Variants in ZNF569 observed in about 807,000 individuals in gnomAD.
The protein encoded by ZNF569 is DNA-binding protein.
ZNF569 carries 38 observed loss-of-function variants against 56.3 expected under a neutral mutation model. The ratio of observed to expected loss-of-function variants is 0.68; its 90% CI spans 0.52 to 0.88. The LOEUF is 0.88. ZNF569 is among the 40% of genes least tolerant of loss of function. ZNF569 has a pLI of 0.00. For missense variants in ZNF569, 666 were observed against 809.2 expected (o/e 0.82, Z 2.15); for synonymous variants, 241 against 262.9 (o/e 0.92, Z 0.81).
chr19:37,442,330 G>A (rs2041419928), intron 3 of ZNF569, among the ~76,000 whole-genome samples: 1 of 152,084 alleles, frequency 6.6e-6, no homozygotes, highest in African/African-American at 2.4e-5. Context: ...AAATATCTAG[G>A]GTAGGAACAT....
rs1336160588 is a variant in ZNF569, at chr19:37,414,024, T to C, written c.634A>G (p.Lys212Glu). Residue 212 changes from lysine (K) to glutamate (E), a missense_variant, in exon 6 of 6, where the codon AAG becomes GAG. Physicochemically the swap from Lys to Glu is moderately conservative, Grantham distance 56 (BLOSUM62 1). Coordinates refer to ENST00000316950, the MANE Select transcript of ZNF569 (RefSeq NM_152484.3). ...IRHLRIHTGE[K>E]PYECSNCRKA... is the part of the protein sequence containing the mutation. ...CTACAGTTACTACATTCATAGGGCT[T>C]CTCTCCAGTATGAATTCTCAGATGT... is the stretch of plus-strand genomic sequence containing the variant. The C allele has an allele frequency of 1.9e-6, 3 of 1,613,608 alleles. No homozygotes were observed. The highest frequency in any genetic ancestry group is 1.7e-6 in the Non-Finnish European group (2 of 1,179,860).
intron 5 of ZNF569, among the ~76,000 whole-genome samples, chr19:37,422,712 A>G (rs1481669005): frequency 1.3e-5 from 2 of 152,224 alleles, no homozygotes; most frequent in African/African-American, 4.8e-5. Context: ...TACCAGCAGA[A>G]CCAAGGAAAT....
intron 2 of ZNF569, among the ~76,000 whole-genome samples, chr19:37,452,433 GTT>G (rs2041609992): frequency 6.6e-6 from 1 of 152,020 alleles, no homozygotes; most frequent in Admixed American, 6.6e-5. Context: ...GCTGTTTGGT[GTT>G]TTTTCATTTC....
intron 5 of ZNF569, 50 bp downstream of exon 5, chr19:37,425,818 C>T (rs371412318): frequency 1.8e-4 from 247 of 1,400,066 alleles, no homozygotes; most frequent in Middle Eastern, 5.4e-4. Context: ...ACTGATTAAT[C>T]ATTAATAGGC....
chr19:37,422,884 A>T (rs558287218), intron 5 of ZNF569, among the ~76,000 whole-genome samples: 1 of 147,564 alleles, frequency 6.8e-6, no homozygotes, highest in East Asian at 2.0e-4. Context: ...TACAGGACAT[A>T]GCACAAACCT....
intron 3 of ZNF569, among the ~76,000 whole-genome samples, chr19:37,429,017 CAT>C (rs1303302509): frequency 1.3e-5 from 2 of 152,084 alleles, no homozygotes; most frequent in Non-Finnish European, 2.9e-5. Context: ...TAAAGGGAAA[CAT>C]AAGCCTAAGA....
chr19:37,430,204 A>C (rs955460422), intron 3 of ZNF569, among the ~76,000 whole-genome samples: 2 of 152,106 alleles, frequency 1.3e-5, no homozygotes, highest in African/African-American at 4.8e-5. Flanking sequence ...CAAAAAAAAA[A>C]AAAAGAATAT....
chr19:37,434,301 A>T (rs76268747), intron 3 of ZNF569, among the ~76,000 whole-genome samples: 3 of 148,072 alleles, frequency 2.0e-5, no homozygotes, highest in Non-Finnish European at 1.5e-5. Context: ...CTCTGTCTCA[A>T]AAAAAAAAAA....
chr19:37,433,549 C>A (rs912168548), intron 3 of ZNF569, among the ~76,000 whole-genome samples: 30 of 152,180 alleles, frequency 2.0e-4, no homozygotes, highest in African/African-American at 3.9e-4. Flanking sequence ...CTTCAAGACA[C>A]TTAATAATCA....
Position 37,454,318 on chromosome 19 carries a change from T to C in ZNF569, c.-43-9354A>G, listed in dbSNP as rs187141439. Reference sequence around the variant, plus strand: ...TCTACTATTGCTTCTATTTGATTCTTGTTATCTTGGTGGGGGTTGAGTAGA... The same window carrying C: ...TCTACTATTGCTTCTATTTGATTCTCGTTATCTTGGTGGGGGTTGAGTAGA... On this transcript the variant is annotated intron_variant, in intron 2 of 5. Coordinates refer to ENST00000316950, the MANE Select transcript of ZNF569 (RefSeq NM_152484.3). 2.9e-3 allele frequency among the ~76,000 whole-genome samples: 434 copies of C among 152,230 alleles called. 1 individual carries two copies. Among genetic ancestry groups the C allele is most frequent in the Non-Finnish European group, 4.9e-3 (332 of 68,022 alleles).
chr19:37,431,701 A>T (rs998763193), intron 3 of ZNF569: 3 of 152,258 alleles, frequency 2.0e-5, no homozygotes, highest in African/African-American at 7.2e-5. Flanking sequence ...ACTTGGCCAC[A>T]ATGGGGTACA....
intron 3 of ZNF569, among the ~76,000 whole-genome samples, chr19:37,444,355 T>C (rs2041457482): frequency 1.3e-5 from 2 of 152,204 alleles, no homozygotes; most frequent in Admixed American, 1.3e-4. Context: ...AATCTATCCA[T>C]GTTGGTTGTT....
chr19:37,436,982 T>G (rs2041319027), intron 3 of ZNF569, among the ~76,000 whole-genome samples: 1 of 148,628 alleles, frequency 6.7e-6, no homozygotes, highest in Non-Finnish European at 1.5e-5. Flanking sequence ...GAGGGCAATA[T>G]TACCCTGATA....
intron 5 of ZNF569, among the ~76,000 whole-genome samples, chr19:37,421,198 G>A (rs1369198428): frequency 1.3e-5 from 2 of 152,096 alleles, no homozygotes; most frequent in Non-Finnish European, 2.9e-5. Context: ...AAGGGCCCTA[G>A]GATTTTCAGA....
At chr19:37,435,196 G>A (rs549252886) in intron 3 of ZNF569, among the ~76,000 whole-genome samples, 5 of 152,148 alleles carry the variant, frequency 3.3e-5, no homozygotes, top group Admixed American at 2.0e-4. Flanking sequence ...AAGTTAAAGT[G>A]TAGAGTACTA....
At chr19:37,447,139 C>A (rs891082094) in intron 2 of ZNF569, among the ~76,000 whole-genome samples, 1 of 152,060 alleles carries the variant, frequency 6.6e-6, no homozygotes, top group African/African-American at 2.4e-5. Context: ...TTTATACTGT[C>A]GGTAGGAATG....
rs915086169 is a variant in ZNF569 at position 37,412,298 on chromosome 19, T to C, written c.*299A>G. 4 of 282,398 alleles carry C rather than the reference T, an allele frequency of 1.4e-5. No homozygotes were observed. The highest frequency in any genetic ancestry group is 1.3e-5 in the Non-Finnish European group (2 of 154,626). The allele number at this position is 282,398 out of a possible 1,614,324, so 17.5% of individuals were successfully genotyped here. Reference sequence around the variant, plus strand: ...ATACTTGTTTTCCTTACTTAATACATTGGCTAGGAGCTCAAGTGTTGTGTT... The same window carrying C: ...ATACTTGTTTTCCTTACTTAATACACTGGCTAGGAGCTCAAGTGTTGTGTT... On this transcript the variant is annotated 3_prime_UTR_variant, in exon 6 of 6. Coordinates refer to ENST00000316950, the MANE Select transcript of ZNF569 (RefSeq NM_152484.3).
chr19:37,421,094 T>G (rs944374880), intron 5 of ZNF569, among the ~76,000 whole-genome samples: 1 of 152,226 alleles, frequency 6.6e-6, no homozygotes, highest in Non-Finnish European at 1.5e-5. Flanking sequence ...GCTTAAAATA[T>G]TTAGCAAATC....
Position 37,414,075 on chromosome 19 carries a change from A to C in ZNF569, c.583T>G (p.Phe195Val). ...CTGATGAGGTCCAAAGTCTGATTGA[A>C]GCCTTTTCCACAATGATTACACTTA... is the stretch of plus-strand genomic sequence containing the variant. ...PFKCNHCGKG[F>V]NQTLDLIRHL... The change falls in exon 6 of 6, where the codon TTC (phenylalanine) becomes GTC (valine). Residue 195 changes from phenylalanine (F) to valine (V), a missense_variant. Physicochemically the swap from Phe to Val is conservative, Grantham distance 50 (BLOSUM62 -1). Coordinates refer to ENST00000316950, the MANE Select transcript of ZNF569 (RefSeq NM_152484.3). 1 of 1,613,758 alleles carries C rather than the reference A, an allele frequency of 6.2e-7. No individual in the cohort carries two copies. The highest frequency in any genetic ancestry group is 8.5e-7 in the Non-Finnish European group (1 of 1,179,900).
Sources: allele counts gnomAD v4.1 joint callset (sites outside exome capture counted in the v4.1 genomes callset), GRCh38; gene constraint gnomAD v4.1.1; transcripts MANE v1.5; gene names NCBI Gene and HGNC (gene_info 2026-07-23, HGNC 2026-07-21).